Variants in GLIS3 observed in about 807,000 individuals in gnomAD.
GLIS3 encodes the protein zinc finger protein GLIS3.
A neutral mutation model predicts 78.6 loss-of-function variants in GLIS3; 53 were observed. The ratio of observed to expected loss-of-function variants is 0.67; its 90% CI spans 0.54 to 0.85. The LOEUF is 0.85. Among genes scored for constraint, GLIS3 ranks in the 40% least tolerant of loss-of-function variants. The pLI, the probability that GLIS3 is intolerant of heterozygous loss-of-function variation, is 0.00. For synonymous variants in GLIS3, 684 were observed against 509.9 expected (o/e 1.34, Z -4.60); for missense variants, 1,703 against 1,231.1 (o/e 1.38, Z -5.74).
intron 8 of GLIS3, among the ~76,000 whole-genome samples, chr9:3,865,949 G>A (rs1049492899): frequency 1.3e-5 from 2 of 152,206 alleles, no homozygotes; most frequent in African/African-American, 4.8e-5. Context: ...GAAACCACAA[G>A]TGGAGCTGTC....
At chr9:3,954,811 C>T (rs1307524830) in intron 4 of GLIS3, among the ~76,000 whole-genome samples, 1 of 152,112 alleles carries the variant, frequency 6.6e-6, no homozygotes, top group African/African-American at 2.4e-5. Context: ...ATCCTCCCCG[C>T]TGGGATGGGT....
rs1831782484 is a variant in GLIS3, at chr9:4,117,778, T to C, written c.1700A>G (p.Asn567Ser). The C allele has an allele frequency of 6.2e-7, 1 of 1,614,184 alleles. No individual in the cohort carries two copies. Among genetic ancestry groups the C allele is most frequent in the South Asian group, 1.1e-5 (1 of 91,072 alleles). ...GCTTCGGAAACTCACCGTACACTTG[T>C]TGGGCTTCTCCCCAGAGTGGACTCT... is the stretch of plus-strand genomic sequence containing the variant. The part of the protein sequence containing the change: ...HMRVHSGEKP[N>S]KCTFEGCEKA... The change falls in exon 4 of 11, where the codon AAC (asparagine) becomes AGC (serine). Residue 567 changes from asparagine (N) to serine (S), a missense_variant. Physicochemically the swap from Asn to Ser is conservative, Grantham distance 46. Coordinates refer to ENST00000381971, the MANE Select transcript of GLIS3 (RefSeq NM_001042413.2).
intron 4 of GLIS3, among the ~76,000 whole-genome samples, chr9:4,099,980 C>G (rs545516118): frequency 6.6e-6 from 1 of 152,276 alleles, no homozygotes; most frequent in African/African-American, 2.4e-5. Flanking sequence ...CTCTCAGTTT[C>G]CCAGCCTGTA....
chr9:4,214,816 C>T (rs953392805), intron 2 of GLIS3, among the ~76,000 whole-genome samples: 1 of 152,144 alleles, frequency 6.6e-6, no homozygotes, highest in African/African-American at 2.4e-5. Context: ...TGTTAGAATA[C>T]AAAATGCATT....
At chr9:4,425,017 C>G in the GLIS3 span, among the ~76,000 whole-genome samples, 1 of 152,128 alleles carries the variant, frequency 6.6e-6, no homozygotes, top group African/African-American at 2.4e-5. Flanking sequence ...GTATTCCCCT[C>G]TTCTTCCTTC....
intron 6 of GLIS3, among the ~76,000 whole-genome samples, chr9:3,917,480 G>A (rs1432606415): frequency 6.6e-6 from 1 of 152,126 alleles, no homozygotes; most frequent in Non-Finnish European, 1.5e-5. Context: ...AAAAAGCCAA[G>A]GAAAACTGAT....
At chr9:4,359,729 G>C in the GLIS3 span, among the ~76,000 whole-genome samples, 1 of 152,106 alleles carries the variant, frequency 6.6e-6, no homozygotes, top group Non-Finnish European at 1.5e-5. Flanking sequence ...AACAGACATT[G>C]ATTTCTGCTG....
chr9:4,453,514 A>G, the GLIS3 span, among the ~76,000 whole-genome samples: 1 of 152,196 alleles, frequency 6.6e-6, no homozygotes, highest in African/African-American at 2.4e-5. Flanking sequence ...AAAGTGGGCA[A>G]AGGATATGAA....
intron 7 of GLIS3, among the ~76,000 whole-genome samples, chr9:3,881,653 C>T (rs2130478008): frequency 6.6e-6 from 1 of 152,314 alleles, no homozygotes; most frequent in Non-Finnish European, 1.5e-5. Flanking sequence ...AAAAACCATC[C>T]ATCATCCACC....
chr9:3,831,105 C>G (rs1818017844), intron 9 of GLIS3, among the ~76,000 whole-genome samples: 1 of 152,110 alleles, frequency 6.6e-6, no homozygotes, highest in Admixed American at 6.5e-5. Context: ...AAAATAATAT[C>G]CTTTATAAGC....
At chr9:3,849,766 A>G (rs985815563) in intron 9 of GLIS3, among the ~76,000 whole-genome samples, 1 of 152,148 alleles carries the variant, frequency 6.6e-6, no homozygotes, top group African/African-American at 2.4e-5. Flanking sequence ...AAAATTAGCC[A>G]GGCATGGTGG....
At chr9:4,415,137 C>A in the GLIS3 span, among the ~76,000 whole-genome samples, 1 of 152,138 alleles carries the variant, frequency 6.6e-6, no homozygotes, top group Non-Finnish European at 1.5e-5. Context: ...ATCCAGGAGA[C>A]CTCAGAGACT....
At chr9:4,369,594 C>T in the GLIS3 span, among the ~76,000 whole-genome samples, 5 of 152,154 alleles carry the variant, frequency 3.3e-5, no homozygotes, top group Non-Finnish European at 7.4e-5. Flanking sequence ...GATACACCCT[C>T]CCCTGGCTGT....
rs539662678 is a variant in GLIS3 at position 4,243,513 on chromosome 9, G to A, written c.388+42525C>T. On this transcript the variant is annotated intron_variant, in intron 2 of 10. Transcript: ENST00000381971. The stretch of plus-strand genomic sequence containing the variant: ...AAATGGTTCTAAGCATTTTAATTTC[G>A]CATTCTCTCTACTTAGTAGATTTAG... 8.5e-5 allele frequency among the ~76,000 whole-genome samples: 13 copies of A among 152,200 alleles called. No homozygotes were observed. The East Asian group carries it at 2.5e-3, about 29-fold the overall frequency.
chr9:3,876,475 A>G (rs192906605), intron 8 of GLIS3, among the ~76,000 whole-genome samples: 7 of 150,996 alleles, frequency 4.6e-5, no homozygotes, highest in African/African-American at 1.7e-4. Flanking sequence ...TATCAATGTT[A>G]AATTTCCTGA....
intron 2 of GLIS3, among the ~76,000 whole-genome samples, chr9:4,274,025 C>T (rs934349229): frequency 1.3e-5 from 2 of 152,106 alleles, no homozygotes; most frequent in South Asian, 2.1e-4. Context: ...GACATGTGGC[C>T]GAGTCTGCCC....
intron 4 of GLIS3, among the ~76,000 whole-genome samples, chr9:4,087,559 T>C (rs901504195): frequency 6.6e-6 from 1 of 152,008 alleles, no homozygotes; most frequent in Non-Finnish European, 1.5e-5. Flanking sequence ...CCCCATGATA[T>C]GGAGAAAAGC....
intron 4 of GLIS3, among the ~76,000 whole-genome samples, chr9:3,950,344 G>A (rs1410819530): frequency 2.0e-5 from 3 of 152,306 alleles, no homozygotes; most frequent in African/African-American, 7.2e-5. Context: ...TTCCTCTTCT[G>A]TGTAGAATTC....
At chr9:4,451,442 A>G in the GLIS3 span, among the ~76,000 whole-genome samples, 1 of 152,204 alleles carries the variant, frequency 6.6e-6, no homozygotes, top group Non-Finnish European at 1.5e-5. Flanking sequence ...CAGATCAACA[A>G]GACAGAAGGT....
Sources: gnomAD v4.1 joint callset for allele counts (sites outside exome capture counted in the v4.1 genomes callset) on GRCh38, gnomAD v4.1.1 for gene constraint, MANE v1.5 for transcripts, NCBI Gene and HGNC (gene_info 2026-07-23, HGNC 2026-07-21) for gene names.